DIPK2B: variants seen among roughly 807,000 people sequenced by gnomAD.
DIPK2B encodes divergent protein kinase domain 2B.
Under a neutral mutation model 22.2 loss-of-function variants are expected in DIPK2B, and 15 were observed. That is an observed-to-expected ratio of 0.68 (90% confidence interval 0.45 to 1.04). The LOEUF is 1.04. DIPK2B is among the 50% of genes least tolerant of loss of function. The pLI, the probability that DIPK2B is intolerant of heterozygous loss-of-function variation, is 0.00. For synonymous variants in DIPK2B, 163 were observed against 153.2 expected (o/e 1.06, Z -0.47); for missense variants, 345 against 348.3 (o/e 0.99, Z 0.08).
chrX:45,162,720 A>G (rs2047028378), intron 2 of DIPK2B: 1 of 752,897 alleles, frequency 1.3e-6, no homozygotes, highest in Non-Finnish European at 1.6e-6. Flanking sequence ...GTGAAAAATA[A>G]AAAGATAACC....
intron 2 of DIPK2B, among the ~76,000 whole-genome samples, chrX:45,175,171 A>G (rs1487478321): frequency 8.9e-6 from 1 of 112,001 alleles, no homozygotes; most frequent in East Asian, 2.8e-4. Flanking sequence ...GGGTCCATAG[A>G]AAGTAGCAGG....
At chrX:45,161,304 G>A (rs1051005303) in intron 2 of DIPK2B, among the ~76,000 whole-genome samples, 3 of 112,576 alleles carry the variant, frequency 2.7e-5, no homozygotes, top group Non-Finnish European at 5.6e-5. Flanking sequence ...CACTTCAGGA[G>A]GTCGAGGTAG....
chrX:45,153,868 C>T lies in DIPK2B; in HGVS notation c.961+42G>A, dbSNP rs1291123771. On this transcript the variant is annotated intron_variant, in intron 4 of 4. Coordinates refer to ENST00000398000, the MANE Select transcript of DIPK2B (RefSeq NM_176819.4). ...CCCTCCCTAGCTCCTGTCACCCTGA[C>T]TTTCCCTCTGACAGCTGCTCAGCCA... 4.3e-6 allele frequency: 5 copies of T among 1,167,607 alleles called. No homozygotes were observed. In the African/African-American group the frequency reaches 8.9e-5, roughly 21 times the overall value.
chrX:45,160,835 T>C (rs1488488574), intron 2 of DIPK2B, among the ~76,000 whole-genome samples: 1 of 111,990 alleles, frequency 8.9e-6, no homozygotes, highest in African/African-American at 3.2e-5. Context: ...CAGCTATACA[T>C]TTTAGGAAAG....
intron 2 of DIPK2B, among the ~76,000 whole-genome samples, chrX:45,165,431 A>G (rs2047043061): frequency 9.1e-6 from 1 of 110,397 alleles, no homozygotes; most frequent in African/African-American, 3.4e-5. Context: ...GGAGTTGCTG[A>G]CTCCTCACAT....
intron 2 of DIPK2B, among the ~76,000 whole-genome samples, chrX:45,182,614 T>A (rs2047161450): frequency 8.8e-6 from 1 of 113,013 alleles, no homozygotes; most frequent in Admixed American, 9.3e-5. Flanking sequence ...TAGTGCAAAC[T>A]AAATACAGCC....
rs773928798 is a variant in DIPK2B, at chrX:45,182,392, CAAT to C, written c.498+9356_498+9358del. On this transcript the variant is annotated intron_variant, in intron 2 of 4. Transcript: ENST00000398000. Reference sequence around the variant, plus strand: ...CAAAATGACTAAAATTAAAAACTAACAATAGTAAGTGTTGATGAAGATATGAAA... The same window carrying C: ...CAAAATGACTAAAATTAAAAACTAACAGTAAGTGTTGATGAAGATATGAAA... 2.9e-4 allele frequency among the ~76,000 whole-genome samples: 33 copies of C among 112,072 alleles called. 1 individual carries two copies. In the South Asian group the frequency reaches 0.012, roughly 41 times the overall value.
chrX:45,158,831 G>A (rs2047008939), intron 2 of DIPK2B, among the ~76,000 whole-genome samples: 1 of 111,814 alleles, frequency 8.9e-6, no homozygotes, highest in South Asian at 3.7e-4. Flanking sequence ...TTCACATTTG[G>A]TACCTCATTG....
intron 2 of DIPK2B, among the ~76,000 whole-genome samples, chrX:45,175,242 ACT>A (rs1408456167): frequency 1.8e-5 from 2 of 111,513 alleles, no homozygotes; most frequent in African/African-American, 6.5e-5. Context: ...TCAGACAAAG[ACT>A]CTGCAAAAAG....
chrX:45,180,044 C>T (rs1237143729), intron 2 of DIPK2B, among the ~76,000 whole-genome samples: 1 of 110,906 alleles, frequency 9.0e-6, no homozygotes. Flanking sequence ...AGTCCCCCCA[C>T]AGCTCATCTT....
intron 2 of DIPK2B, among the ~76,000 whole-genome samples, chrX:45,161,263 C>T (rs901474047): frequency 2.7e-5 from 3 of 112,247 alleles, no homozygotes; most frequent in Admixed American, 9.4e-5. Context: ...GTATTTTGGC[C>T]AGGCACGGTT....
intron 2 of DIPK2B, among the ~76,000 whole-genome samples, chrX:45,167,670 C>T (rs140963742): frequency 0.02 from 2,208 of 110,092 alleles, 66 homozygotes; most frequent in African/African-American, 0.067. Flanking sequence ...AGTGTCTGGC[C>T]GCCAGAGTGA....
intron 2 of DIPK2B, among the ~76,000 whole-genome samples, chrX:45,177,505 C>G (rs1465445707): frequency 9.2e-6 from 1 of 109,247 alleles, no homozygotes; most frequent in South Asian, 4.1e-4. Flanking sequence ...CTCCCTCTCT[C>G]TTGCTCCCTC....
intron 1 of DIPK2B, among the ~76,000 whole-genome samples, chrX:45,200,132 G>T (rs1319019062): frequency 9.0e-6 from 1 of 111,575 alleles, no homozygotes; most frequent in Admixed American, 9.5e-5. Context: ...ATAGTGAAAT[G>T]GGTCCCATCA....
intron 1 of DIPK2B, 40 bp downstream of exon 1, chrX:45,200,554 A>G: frequency 1.8e-6 from 2 of 1,138,475 alleles, no homozygotes; most frequent in Non-Finnish European, 2.4e-6. Flanking sequence ...AGAAGGGAAC[A>G]GAATTTTGTG....
At chrX:45,162,739 G>A (rs1007984271) in intron 2 of DIPK2B, 4 of 752,565 alleles carry the variant, frequency 5.3e-6, no homozygotes, top group Non-Finnish European at 6.3e-6. Context: ...CCAAACCCTG[G>A]ACCTCTGTTG....
At chrX:45,156,994 C>T (rs2046999069) in intron 3 of DIPK2B, among the ~76,000 whole-genome samples, 1 of 108,582 alleles carries the variant, frequency 9.2e-6, no homozygotes, top group South Asian at 4.2e-4. Flanking sequence ...CCTCACCTTT[C>T]TCTTCTTCCC....
intron 3 of DIPK2B, among the ~76,000 whole-genome samples, chrX:45,156,857 C>T (rs2046998375): frequency 9.0e-6 from 1 of 110,991 alleles, no homozygotes; most frequent in Non-Finnish European, 1.9e-5. Context: ...TTTGCTGTGG[C>T]TTCTTCCTCC....
chrX:45,174,526 C>T (rs1402325400), intron 2 of DIPK2B, among the ~76,000 whole-genome samples: 1 of 109,602 alleles, frequency 9.1e-6, no homozygotes, highest in African/African-American at 3.3e-5. Context: ...TAGGGAAATC[C>T]AGGTAGGCTT....
Sources: gnomAD v4.1 joint callset for allele counts (sites outside exome capture counted in the v4.1 genomes callset) on GRCh38, gnomAD v4.1.1 for gene constraint, MANE v1.5 for transcripts, NCBI Gene and HGNC (gene_info 2026-07-23, HGNC 2026-07-21) for gene names.